The following RAVER2 variants were observed in gnomAD, a reference collection of about 807,000 sequenced individuals.
RAVER2 encodes ribonucleoprotein PTB-binding 2.
Under a neutral mutation model 78.1 loss-of-function variants are expected in RAVER2, and 46 were observed. The observed-to-expected ratio is 0.59, with a 90% CI of 0.46 to 0.75. The LOEUF (loss-of-function observed/expected upper bound fraction) is 0.75, where lower values mean the gene tolerates loss of function less well. Ranked by LOEUF, RAVER2 falls within the 30% of genes least tolerant of loss-of-function variation. RAVER2 has a pLI of 0.00. For synonymous variants in RAVER2, 311 were observed against 313.3 expected (o/e 0.99, Z 0.08); for missense variants, 793 against 837.5 (o/e 0.95, Z 0.66).
At chr1:64,792,862 ACTC>A (rs1652982151) in intron 5 of RAVER2, among the ~76,000 whole-genome samples, 1 of 152,158 alleles carries the variant, frequency 6.6e-6, no homozygotes, top group South Asian at 2.1e-4. Context: ...TATATCCTGA[ACTC>A]CTCACAAAGG....
chr1:64,768,863 G>T (rs1468235138), intron 2 of RAVER2, 141 bp downstream of exon 2: 6 of 566,024 alleles, frequency 1.1e-5, no homozygotes, highest in Non-Finnish European at 1.9e-5. Context: ...AACCCACACT[G>T]TCTATTTTCT....
At chr1:64,792,779 G>A (rs1652979820) in intron 5 of RAVER2, among the ~76,000 whole-genome samples, 1 of 152,202 alleles carries the variant, frequency 6.6e-6, no homozygotes, top group African/African-American at 2.4e-5. Flanking sequence ...AAAAGACAGT[G>A]TCTTGTTAAT....
chr1:64,763,276 G>A (rs543290268), intron 1 of RAVER2, among the ~76,000 whole-genome samples: 13 of 152,064 alleles, frequency 8.5e-5, no homozygotes, highest in African/African-American at 2.2e-4. Flanking sequence ...CAGCCTGGGC[G>A]ACAGAGCGAG....
At chr1:64,812,025 T>A (rs182502474) in intron 9 of RAVER2, among the ~76,000 whole-genome samples, 1 of 152,238 alleles carries the variant, frequency 6.6e-6, no homozygotes, top group Admixed American at 6.5e-5. Flanking sequence ...TGTTATTTGG[T>A]CATAAAATAT....
intron 1 of RAVER2, among the ~76,000 whole-genome samples, chr1:64,748,813 A>G (rs1032537267): frequency 6.6e-6 from 1 of 152,152 alleles, no homozygotes; most frequent in African/African-American, 2.4e-5. Flanking sequence ...GCCCCTGCCT[A>G]CGTTTCCAGT....
At chr1:64,824,315 A>G (rs762748944) in intron 11 of RAVER2, among the ~76,000 whole-genome samples, 8 of 152,200 alleles carry the variant, frequency 5.3e-5, no homozygotes, top group Non-Finnish European at 1.0e-4. Context: ...AAAAATGAAC[A>G]AAAGACCTGG....
intron 5 of RAVER2, among the ~76,000 whole-genome samples, chr1:64,798,030 G>A (rs1277426313): frequency 6.8e-6 from 1 of 147,190 alleles, no homozygotes; most frequent in Middle Eastern, 3.5e-3. Context: ...CCACTAACTC[G>A]TCATCTAGCA....
At chr1:64,791,913 T>C (rs569033684) in intron 5 of RAVER2, among the ~76,000 whole-genome samples, 1 of 152,344 alleles carries the variant, frequency 6.6e-6, no homozygotes, top group African/African-American at 2.4e-5. Flanking sequence ...ACCTCAGTCA[T>C]TTTTTATTTT....
At chr1:64,812,074 G>A (rs959537042) in intron 9 of RAVER2, among the ~76,000 whole-genome samples, 7 of 151,938 alleles carry the variant, frequency 4.6e-5, no homozygotes, top group African/African-American at 9.7e-5. Flanking sequence ...GGCCAGGCGC[G>A]GTGGGTCACG....
chr1:64,786,459 T>C (rs1652782302), intron 4 of RAVER2, among the ~76,000 whole-genome samples: 1 of 152,248 alleles, frequency 6.6e-6, no homozygotes. Context: ...TTTTTCTTGT[T>C]TGTTGGAATT....
intron 1 of RAVER2, among the ~76,000 whole-genome samples, chr1:64,766,856 G>C (rs966493927): frequency 6.6e-6 from 1 of 152,110 alleles, no homozygotes; most frequent in Non-Finnish European, 1.5e-5. Flanking sequence ...ATGTTATGCT[G>C]CTGAGACAGT....
chr1:64,787,142 C>G (rs941509427), intron 4 of RAVER2, among the ~76,000 whole-genome samples: 1 of 152,120 alleles, frequency 6.6e-6, no homozygotes, highest in South Asian at 2.1e-4. Context: ...TTTGTAATGT[C>G]TATTACATTT....
intron 1 of RAVER2, among the ~76,000 whole-genome samples, chr1:64,748,656 TC>T (rs1473606840): frequency 6.6e-6 from 1 of 152,262 alleles, no homozygotes; most frequent in Non-Finnish European, 1.5e-5. Flanking sequence ...CAATTTTTTT[TC>T]ATAAACTTGA....
chr1:64,760,152 C>G (rs909755223), intron 1 of RAVER2, among the ~76,000 whole-genome samples: 11 of 150,352 alleles, frequency 7.3e-5, no homozygotes, highest in African/African-American at 2.7e-4. Flanking sequence ...CTAATCCAGA[C>G]TTGAGAGGTT....
At chr1:64,799,221 A>G (rs1242957235) in intron 5 of RAVER2, among the ~76,000 whole-genome samples, 1 of 152,194 alleles carries the variant, frequency 6.6e-6, no homozygotes, top group Non-Finnish European at 1.5e-5. Flanking sequence ...TTCACTTAAT[A>G]TAATGTCCTC....
chr1:64,771,201 A>G (rs1267985888), intron 2 of RAVER2, among the ~76,000 whole-genome samples: 1 of 151,872 alleles, frequency 6.6e-6, no homozygotes, highest in Non-Finnish European at 1.5e-5. Flanking sequence ...CGGGACAAAG[A>G]TTAAGATGAC....
In RAVER2 at chr1:64,812,892, T is replaced by C. The variant is rs750734171; in HGVS notation, c.1792+43T>C. ...ATTCTTGTTGTGGAGTTTTACTGAATACTTTTCATAATAAGTTTTACTTTA... is the reference window on the plus strand; with the variant it reads ...ATTCTTGTTGTGGAGTTTTACTGAACACTTTTCATAATAAGTTTTACTTTA... On this transcript the variant is annotated intron_variant, in intron 10 of 11. Transcript: ENST00000294428. 79 of 1,376,380 alleles carry C rather than the reference T, an allele frequency of 5.7e-5. No homozygotes were observed. The Admixed American group carries it at 6.3e-4, about 11-fold the overall frequency. The allele number at this position is 1,376,380 out of a possible 1,614,324, so 85.3% of individuals were successfully genotyped here.
intron 1 of RAVER2, among the ~76,000 whole-genome samples, chr1:64,754,113 T>A (rs1341773947): frequency 6.6e-6 from 1 of 152,188 alleles, no homozygotes; most frequent in East Asian, 1.9e-4. Flanking sequence ...TGTTTAATAT[T>A]ATATTTAATC....
At chr1:64,832,895 A>G (rs989802902) in exon 12 of RAVER2, 1 of 153,176 alleles carries the variant, frequency 6.5e-6, no homozygotes, top group African/African-American at 2.4e-5. Flanking sequence ...CAAACAAACA[A>G]ACAGAAGAAA....
Sources: gnomAD v4.1 joint callset for allele counts (sites outside exome capture counted in the v4.1 genomes callset) on GRCh38, gnomAD v4.1.1 for gene constraint, MANE v1.5 for transcripts, NCBI Gene and HGNC (gene_info 2026-07-23, HGNC 2026-07-21) for gene names.